The following TOMM20 variants were observed in gnomAD, a reference collection of about 807,000 sequenced individuals.
The protein encoded by TOMM20 is translocase of outer mitochondrial membrane 20, also known as mitochondrial import receptor subunit TOM20 homolog.
Under a neutral mutation model 22.1 loss-of-function variants are expected in TOMM20, and 10 were observed. The observed-to-expected ratio is 0.45, with a 90% CI of 0.28 to 0.77. TOMM20 has a LOEUF of 0.77. Ranked by LOEUF, TOMM20 falls within the 30% of genes least tolerant of loss-of-function variation. The pLI is 0.13. For missense variants in TOMM20, 121 were observed against 172.2 expected, an observed-to-expected ratio of 0.70 and a Z score of 1.66; for synonymous variants, 55 against 61.4, an observed-to-expected ratio of 0.90 and a Z score of 0.49.
chr1:235,123,339 G>A (rs1044600174), intron 1 of TOMM20, among the ~76,000 whole-genome samples: 2 of 152,120 alleles, frequency 1.3e-5, no homozygotes, highest in Admixed American at 1.3e-4. Context: ...ACAAAAATTA[G>A]CCGGGCATGG....
Position 235,119,866 on chromosome 1 carries a change from T to C in TOMM20, c.202A>G (p.Lys68Glu). ...AGCTGTATTTCTTCAAGGAAGAACTTCTGAACAGCTTCAGCATCTTTAAGG... is the reference window on the plus strand; with the variant it reads ...AGCTGTATTTCTTCAAGGAAGAACTCCTGAACAGCTTCAGCATCTTTAAGG... ...PDLKDAEAVQ[K>E]FFLEEIQLGE... The change falls in exon 3 of 5, where the codon AAG becomes GAG. Residue 68 changes from lysine to glutamate, a missense_variant. By Grantham distance (56) the Lys-to-Glu change is moderately conservative (BLOSUM62 1). Transcript: ENST00000366607. 6.2e-7 allele frequency: 1 copy of C among 1,612,502 alleles called. No individual in the cohort carries two copies. Among genetic ancestry groups the C allele is most frequent in the Non-Finnish European group, 8.5e-7 (1 of 1,179,018 alleles).
intron 1 of TOMM20, among the ~76,000 whole-genome samples, chr1:235,124,819 TATTAC>T (rs1393158654): frequency 6.6e-6 from 1 of 151,146 alleles, no homozygotes; most frequent in East Asian, 1.9e-4. Flanking sequence ...ACAATTAACT[TATTAC>T]ATTAACATAT....
chr1:235,128,467 G>A (rs1361082145), intron 1 of TOMM20, 128 bp downstream of exon 1: 11 of 1,427,404 alleles, frequency 7.7e-6, no homozygotes, highest in Non-Finnish European at 1.0e-5. Context: ...CAGCGCCATC[G>A]CCTATTGAGG....
chr1:235,128,692 G>C lies in TOMM20; in HGVS notation c.24C>G (p.Ile8Met). The part of the protein sequence containing the change: MVGRNSA[I>M]AAGVCGALFI... Reference sequence around the variant, plus strand: ...AAAGGGCCCCGCATACACCGGCGGCGATGGCGCTGTTCCGACCCACCATCT... The same window carrying C: ...AAAGGGCCCCGCATACACCGGCGGCCATGGCGCTGTTCCGACCCACCATCT... The change falls in exon 1 of 5, where the codon ATC (isoleucine) becomes ATG (methionine). Residue 8 changes from isoleucine to methionine, a missense_variant. Ile to Met is a conservative substitution (Grantham distance 10, BLOSUM62 1). Transcript: ENST00000366607. The C allele has an allele frequency of 6.2e-7, 1 of 1,614,084 alleles. No individual in the cohort carries two copies. The highest frequency in any genetic ancestry group is 8.5e-7 in the Non-Finnish European group (1 of 1,179,942).
At chr1:235,120,226 C>T (rs907484907) in intron 2 of TOMM20, among the ~76,000 whole-genome samples, 1 of 152,154 alleles carries the variant, frequency 6.6e-6, no homozygotes, top group African/African-American at 2.4e-5. Flanking sequence ...CAACTGTAAG[C>T]AATTTGTCCT....
At chr1:235,114,222 A>G (rs1220143987) in intron 3 of TOMM20, among the ~76,000 whole-genome samples, 1 of 152,174 alleles carries the variant, frequency 6.6e-6, no homozygotes, top group Non-Finnish European at 1.5e-5. Context: ...TAACAATCGC[A>G]TAGTACTTTT....
intron 3 of TOMM20, among the ~76,000 whole-genome samples, chr1:235,115,167 G>A (rs544089833): frequency 1.3e-5 from 2 of 152,022 alleles, no homozygotes; most frequent in Non-Finnish European, 1.5e-5. Flanking sequence ...ATGAGCCACT[G>A]CACTCGGCCC....
intron 2 of TOMM20, among the ~76,000 whole-genome samples, chr1:235,121,397 G>A (rs1235552605): frequency 1.3e-5 from 2 of 152,184 alleles, no homozygotes; most frequent in South Asian, 2.1e-4. Flanking sequence ...ACATACTGGT[G>A]CATGTCTCAA....
chr1:235,112,272 A>G (rs992172598), intron 4 of TOMM20, among the ~76,000 whole-genome samples, 164 bp from the exon 5 acceptor site: 3 of 152,226 alleles, frequency 2.0e-5, no homozygotes, highest in African/African-American at 7.2e-5. Flanking sequence ...GTCGGCATCC[A>G]AGAAAACAAT....
Position 235,111,972 on chromosome 1 carries a change from G to A in TOMM20, c.*92C>T, listed in dbSNP as rs1359734244. ...TAGATTTCAGTGTAGTTCATAACAA[G>A]CATATTTGCCCTTATTCCCCCAGAG... On this transcript the variant is annotated 3_prime_UTR_variant, in exon 5 of 5. Coordinates refer to ENST00000366607, the MANE Select transcript of TOMM20 (RefSeq NM_014765.3). The A allele has an allele frequency of 3.2e-6, 3 of 951,550 alleles. No homozygotes were observed. The highest frequency in any genetic ancestry group is 5.0e-6 in the Non-Finnish European group (3 of 600,402). The allele number at this position is 951,550 out of a possible 1,614,324, so 58.9% of individuals were successfully genotyped here. A position where few individuals can be genotyped will look rare whatever the true frequency, so the allele number is the denominator to read the frequency against.
chr1:235,113,691 G>C, intron 4 of TOMM20, 77 bp downstream of exon 4: 1 of 1,497,938 alleles, frequency 6.7e-7, no homozygotes, highest in East Asian at 2.3e-5. Context: ...ATGTTCACTA[G>C]GCTCATTTTA....
rs758693428 is a variant in TOMM20 at position 235,122,318 on chromosome 1, A to G, written c.168+8T>C. 1 of 1,526,466 alleles carries G rather than the reference A, an allele frequency of 6.6e-7. No homozygotes were observed. The allele number at this position is 1,526,466 out of a possible 1,614,324, so 94.6% of individuals were successfully genotyped here. On this transcript the variant is annotated splice_region_variant and intron_variant, in intron 2 of 4. Coordinates refer to ENST00000366607, the MANE Select transcript of TOMM20 (RefSeq NM_014765.3). The stretch of plus-strand genomic sequence containing the variant: ...AATATATAATTTAAACAGAAACCAG[A>G]CTATTACCTTGGAAAGCCCAGCTCT...
At chr1:235,112,974 C>T (rs4551650) in intron 4 of TOMM20, among the ~76,000 whole-genome samples, 37,997 of 152,092 alleles carry the variant, frequency 0.25, 6,074 homozygotes, top group South Asian at 0.52. Context: ...ACTTTCTTTC[C>T]AGTCCTTTTC....
At chr1:235,117,136 A>C (rs1229870758) in intron 3 of TOMM20, among the ~76,000 whole-genome samples, 1 of 19,030 alleles carries the variant, frequency 5.3e-5, no homozygotes, top group Non-Finnish European at 1.3e-4. Context: ...CTCCATCTCA[A>C]AAAAAAAAAA....
chr1:235,123,038 T>TG (rs1660953223), intron 1 of TOMM20, among the ~76,000 whole-genome samples: 2 of 152,188 alleles, frequency 1.3e-5, no homozygotes, highest in Non-Finnish European at 2.9e-5. Context: ...TATTAGCTAA[T>TG]ACTTATTAGC....
chr1:235,122,187 A>G (rs1380597655), intron 2 of TOMM20, 139 bp downstream of exon 2: 1 of 624,646 alleles, frequency 1.6e-6, no homozygotes, highest in Non-Finnish European at 2.5e-6. Context: ...TCCTAAAAAT[A>G]AGCTGTATTT....
intron 4 of TOMM20, 79 bp downstream of exon 4, chr1:235,113,689 T>C: frequency 6.7e-7 from 1 of 1,499,406 alleles, no homozygotes; most frequent in Non-Finnish European, 9.0e-7. Flanking sequence ...TCATGTTCAC[T>C]AGGCTCATTT....
At chr1:235,125,614 T>A (rs184899316) in intron 1 of TOMM20, among the ~76,000 whole-genome samples, 1 of 152,066 alleles carries the variant, frequency 6.6e-6, no homozygotes, top group East Asian at 1.9e-4. Flanking sequence ...CTATTGGAAA[T>A]AAGACTAGAA....
intron 1 of TOMM20, 146 bp from the exon 2 acceptor site, chr1:235,122,518 C>T: frequency 1.5e-6 from 1 of 678,292 alleles, no homozygotes; most frequent in Non-Finnish European, 2.5e-6. Flanking sequence ...CTGTCAAGAG[C>T]ATATGACATG....
Sources: allele counts gnomAD v4.1 joint callset (sites outside exome capture counted in the v4.1 genomes callset), GRCh38; gene constraint gnomAD v4.1.1; transcripts MANE v1.5; gene names NCBI Gene and HGNC (gene_info 2026-07-23, HGNC 2026-07-21).